Variants in PTPRD observed in about 807,000 individuals in gnomAD.
PTPRD encodes the protein protein tyrosine phosphatase receptor type D.
In PTPRD, 34 loss-of-function variants were observed where a neutral mutation model predicts 214.5. The ratio of observed to expected loss-of-function variants is 0.16; its 90% CI spans 0.12 to 0.21. PTPRD has a LOEUF of 0.21. Among genes scored for constraint, PTPRD ranks in the 10% least tolerant of loss-of-function variants. The probability of loss-of-function intolerance (pLI) is 1.00; values close to 1 mark genes in which losing one functional copy is unlikely to be tolerated. For synonymous variants in PTPRD, 1,128 were observed against 845.7 expected, an observed-to-expected ratio of 1.33 and a Z score of -5.79; for missense variants, 2,545 against 2,398.7, an observed-to-expected ratio of 1.06 and a Z score of -1.27.
At position 10,500,506 on chromosome 9, in the gene PTPRD, T is replaced by G. The variant is rs201642177; in HGVS notation, c.-600+111892A>C. On this transcript the variant is annotated intron_variant, in intron 2 of 45. Coordinates refer to ENST00000381196, the MANE Select transcript of PTPRD (RefSeq NM_002839.4). ...TGGATAATAATCCCTTCAGGGTATG[T>G]AGAGCACCCATCCCATCAAGCATTT... Among the ~76,000 whole-genome samples, 7 of 152,044 alleles carry G rather than the reference T, an allele frequency of 4.6e-5. No homozygotes were observed. The East Asian group carries it at 1.4e-3, about 29-fold the overall frequency.
chr9:10,448,267 T>G lies in PTPRD; in HGVS notation c.-599-107250A>C, dbSNP rs143823716. On this transcript the variant is annotated intron_variant, in intron 2 of 45. Transcript: ENST00000381196. ...AATGACAGATAACATAATTAGAGAG[T>G]TGGTGATAGCCTGGCTCTTGAGAAA... Among the ~76,000 whole-genome samples the G allele has an allele frequency of 1.2e-3, 189 of 151,934 alleles. 4 individuals are homozygous for G. Among genetic ancestry groups the G allele is most frequent in the African/African-American group, 4.4e-3 (183 of 41,272 alleles).
intron 9 of PTPRD, among the ~76,000 whole-genome samples, chr9:9,275,306 A>G (rs1455749661): frequency 1.4e-5 from 2 of 141,306 alleles, no homozygotes; most frequent in Non-Finnish European, 3.0e-5. Flanking sequence ...AATTTAAAAT[A>G]GTGAGGGAAG....
intron 9 of PTPRD, among the ~76,000 whole-genome samples, chr9:9,337,754 C>G (rs1234886128): frequency 6.6e-6 from 1 of 152,078 alleles, no homozygotes; most frequent in African/African-American, 2.4e-5. Flanking sequence ...GGACAATGAC[C>G]CTTTTCATTT....
intron 9 of PTPRD, among the ~76,000 whole-genome samples, chr9:9,200,434 G>A (rs962937162): frequency 9.2e-5 from 14 of 152,080 alleles, no homozygotes; most frequent in African/African-American, 1.4e-4. Context: ...AAATTTCTAT[G>A]AGTGAAAACA....
intron 14 of PTPRD, among the ~76,000 whole-genome samples, chr9:8,586,237 T>G (rs2093647704): frequency 7.0e-6 from 1 of 143,740 alleles, no homozygotes; most frequent in South Asian, 2.1e-4. Context: ...GAGGTGGAAG[T>G]TGCGGTGAGC....
At chr9:9,339,818 A>T (rs1332346132) in intron 9 of PTPRD, among the ~76,000 whole-genome samples, 1 of 152,214 alleles carries the variant, frequency 6.6e-6, no homozygotes, top group Non-Finnish European at 1.5e-5. Context: ...GCAATGGAAC[A>T]TCATGGAAGC....
At chr9:9,582,784 A>T (rs1298915782) in intron 7 of PTPRD, among the ~76,000 whole-genome samples, 2 of 152,062 alleles carry the variant, frequency 1.3e-5, no homozygotes, top group African/African-American at 4.8e-5. Flanking sequence ...TGAACCTGCT[A>T]TAATGTATTA....
chr9:8,640,561 C>CAAAAAAAAAAA (rs201282830), intron 12 of PTPRD, among the ~76,000 whole-genome samples: 1 of 105,456 alleles, frequency 9.5e-6, no homozygotes, highest in Admixed American at 9.7e-5. Flanking sequence ...AACAAAAAAA[C>CAAAAAAAAAAA]AAAAAAAAAA....
At chr9:9,305,776 C>T (rs1956942058) in intron 9 of PTPRD, among the ~76,000 whole-genome samples, 1 of 151,960 alleles carries the variant, frequency 6.6e-6, no homozygotes, top group Non-Finnish European at 1.5e-5. Flanking sequence ...GGGGAAAAGG[C>T]CATGTGGTTG....
chr9:10,214,913 T>C (rs2099534469), intron 3 of PTPRD, among the ~76,000 whole-genome samples: 1 of 152,070 alleles, frequency 6.6e-6, no homozygotes, highest in Admixed American at 6.6e-5. Context: ...ACATCTTGGT[T>C]ATTTTACTCT....
At chr9:8,332,189 A>T (rs929580843) in intron 43 of PTPRD, among the ~76,000 whole-genome samples, 14 of 152,190 alleles carry the variant, frequency 9.2e-5, no homozygotes, top group Non-Finnish European at 2.1e-4. Context: ...GCACCTAGGC[A>T]TGTCATCCAG....
chr9:10,096,688 T>C (rs1023917950), intron 3 of PTPRD, among the ~76,000 whole-genome samples: 1 of 152,048 alleles, frequency 6.6e-6, no homozygotes, highest in Non-Finnish European at 1.5e-5. Flanking sequence ...ATTCGGTAGG[T>C]TGCCTGTTCA....
chr9:8,541,555 G>A (rs936720704), intron 14 of PTPRD, among the ~76,000 whole-genome samples: 2 of 152,062 alleles, frequency 1.3e-5, no homozygotes, highest in Non-Finnish European at 2.9e-5. Flanking sequence ...TTGTGGAGAT[G>A]GGTTTTTGCT....
chr9:9,600,265 G>A (rs1157261497), intron 7 of PTPRD, among the ~76,000 whole-genome samples: 1 of 152,094 alleles, frequency 6.6e-6, no homozygotes, highest in Non-Finnish European at 1.5e-5. Flanking sequence ...AATGGCAGGA[G>A]AGGAAGTACA....
intron 11 of PTPRD, among the ~76,000 whole-genome samples, chr9:8,833,418 A>G (rs942475531): frequency 2.0e-5 from 3 of 152,248 alleles, no homozygotes; most frequent in Middle Eastern, 6.8e-3. Flanking sequence ...TTTAAATGGT[A>G]ACATTTAATT....
chr9:8,364,778 C>T (rs780532471), intron 39 of PTPRD, among the ~76,000 whole-genome samples: 74 of 152,302 alleles, frequency 4.9e-4, no homozygotes, highest in African/African-American at 1.5e-3. Context: ...CAAATTGGTA[C>T]CCAGTGCATT....
At chr9:8,381,151 TTGTTCAAGCATTAGTATCC>T (rs1366128209) in intron 37 of PTPRD, among the ~76,000 whole-genome samples, 1 of 152,182 alleles carries the variant, frequency 6.6e-6, no homozygotes, top group Non-Finnish European at 1.5e-5. Context: ...GGCAGAGTGG[TTGTTCAAGCATTAGTATCC>T]TGTAAGGAAT....
chr9:9,081,747 T>C (rs995676976), intron 10 of PTPRD, among the ~76,000 whole-genome samples: 1 of 152,106 alleles, frequency 6.6e-6, no homozygotes, highest in Non-Finnish European at 1.5e-5. Flanking sequence ...TACCATTATG[T>C]AGTGCCCTTC....
At position 10,168,634 on chromosome 9, in the gene PTPRD, C is replaced by G. The variant is rs531656912; in HGVS notation, c.-544-134844G>C. Among the ~76,000 whole-genome samples, 3 of 152,270 alleles carry G rather than the reference C, an allele frequency of 2.0e-5. No homozygotes were observed. In the South Asian group the frequency reaches 6.2e-4, roughly 32 times the overall value. Reference sequence around the variant, plus strand: ...TAAAAAAGAAAGAAAATGTTTTAATCTTTCATTTTCCAATATAAAGTTTTT... The same window carrying G: ...TAAAAAAGAAAGAAAATGTTTTAATGTTTCATTTTCCAATATAAAGTTTTT... On this transcript the variant is annotated intron_variant, in intron 3 of 45. Coordinates refer to ENST00000381196, the MANE Select transcript of PTPRD (RefSeq NM_002839.4).
Sources: gnomAD v4.1 joint callset for allele counts (sites outside exome capture counted in the v4.1 genomes callset) on GRCh38, gnomAD v4.1.1 for gene constraint, MANE v1.5 for transcripts, NCBI Gene and HGNC (gene_info 2026-07-23, HGNC 2026-07-21) for gene names.